KCNJ6: variants seen among roughly 807,000 people sequenced by gnomAD.
KCNJ6 encodes potassium inwardly rectifying channel subfamily J member 6.
In KCNJ6, 9 loss-of-function variants were observed where a neutral mutation model predicts 34.2. The observed-to-expected ratio is 0.26, with a 90% CI of 0.16 to 0.46. KCNJ6 has a LOEUF of 0.46. Ranked by LOEUF, KCNJ6 falls within the 20% of genes least tolerant of loss-of-function variation. The pLI, the probability that KCNJ6 is intolerant of heterozygous loss-of-function variation, is 1.00. For synonymous variants in KCNJ6, 196 were observed against 207.1 expected (o/e 0.95, Z 0.46); for missense variants, 236 against 531.3 (o/e 0.44, Z 5.46).
chr21:37,809,472 A>C (rs1158857835), intron 2 of KCNJ6, among the ~76,000 whole-genome samples: 3 of 152,076 alleles, frequency 2.0e-5, no homozygotes, highest in East Asian at 1.9e-4. Flanking sequence ...ACATGTATAC[A>C]CATGTAACAA....
At chr21:37,744,894 C>T (rs1314914869) in intron 2 of KCNJ6, among the ~76,000 whole-genome samples, 1 of 152,068 alleles carries the variant, frequency 6.6e-6, no homozygotes, top group Non-Finnish European at 1.5e-5. Flanking sequence ...ACATCCTGAT[C>T]CCGGGAACTG....
intron 2 of KCNJ6, among the ~76,000 whole-genome samples, chr21:37,743,908 A>G (rs1380399851): frequency 6.6e-6 from 1 of 151,992 alleles, no homozygotes; most frequent in South Asian, 2.1e-4. Flanking sequence ...CTCCATTATC[A>G]TACCTCCTAT....
At chr21:37,746,007 C>T (rs375514387) in intron 2 of KCNJ6, among the ~76,000 whole-genome samples, 3 of 152,176 alleles carry the variant, frequency 2.0e-5, no homozygotes, top group African/African-American at 7.2e-5. Flanking sequence ...GGGCTCTCTT[C>T]CTGGCTTGCA....
intron 1 of KCNJ6, among the ~76,000 whole-genome samples, chr21:37,871,561 A>G (rs557874166): frequency 6.6e-6 from 1 of 152,312 alleles, no homozygotes; most frequent in African/African-American, 2.4e-5. Flanking sequence ...GGGCTCTGAG[A>G]CTTTTTCCTG....
At chr21:37,909,364 A>G (rs2055856477) in intron 1 of KCNJ6, among the ~76,000 whole-genome samples, 1 of 151,824 alleles carries the variant, frequency 6.6e-6, no homozygotes, top group African/African-American at 2.4e-5. Flanking sequence ...ACACTGCACA[A>G]AGAACTTTTT....
intron 1 of KCNJ6, among the ~76,000 whole-genome samples, chr21:37,855,910 G>T (rs912983224): frequency 6.6e-6 from 1 of 152,204 alleles, no homozygotes; most frequent in South Asian, 2.1e-4. Context: ...GGCCAAGCAC[G>T]GCCAGGGGCC....
chr21:37,784,913 G>A (rs928197076), intron 2 of KCNJ6, among the ~76,000 whole-genome samples: 1 of 152,136 alleles, frequency 6.6e-6, no homozygotes, highest in Non-Finnish European at 1.5e-5. Context: ...CAGCTCTTTG[G>A]AGCCTCACCC....
chr21:37,913,005 G>C (rs923433023), intron 1 of KCNJ6, among the ~76,000 whole-genome samples: 2 of 152,224 alleles, frequency 1.3e-5, no homozygotes, highest in Non-Finnish European at 2.9e-5. Flanking sequence ...TTTCCAACCA[G>C]TTGCCAAACC....
At chr21:37,642,873 T>C (rs1446021701) in intron 3 of KCNJ6, among the ~76,000 whole-genome samples, 5 of 152,164 alleles carry the variant, frequency 3.3e-5, no homozygotes, top group Admixed American at 6.5e-5. Flanking sequence ...TCATGAAAGA[T>C]AAAAGCAGGA....
At chr21:37,774,816 G>C (rs1481048459) in intron 2 of KCNJ6, among the ~76,000 whole-genome samples, 1 of 152,160 alleles carries the variant, frequency 6.6e-6, no homozygotes, top group East Asian at 1.9e-4. Flanking sequence ...ACATACATGT[G>C]CATGTGTCTT....
At chr21:37,840,814 C>A in intron 1 of KCNJ6, 105 bp from the exon 2 acceptor site, 2 of 625,072 alleles carry the variant, frequency 3.2e-6, no homozygotes, top group South Asian at 4.8e-5. Context: ...TTTCCTAGGT[C>A]AGAATTTGGT....
chr21:37,768,084 CTTT>C (rs201597411), intron 2 of KCNJ6, among the ~76,000 whole-genome samples: 1 of 128,016 alleles, frequency 7.8e-6, no homozygotes. Context: ...TGTGTATGGA[CTTT>C]TTTTTTTTTT....
intron 3 of KCNJ6, among the ~76,000 whole-genome samples, chr21:37,682,532 A>G (rs1443160324): frequency 2.2e-5 from 1 of 46,388 alleles, no homozygotes; most frequent in Non-Finnish European, 4.0e-5. Context: ...CTCTGCCTCC[A>G]TCTTCACGTG....
intron 2 of KCNJ6, among the ~76,000 whole-genome samples, chr21:37,820,011 C>A (rs1347877253): frequency 6.6e-6 from 1 of 152,028 alleles, no homozygotes; most frequent in Non-Finnish European, 1.5e-5. Flanking sequence ...TGGTCTCGAA[C>A]TCCTGAGCTC....
chr21:37,864,869 C>CT (rs1212891309), intron 1 of KCNJ6, among the ~76,000 whole-genome samples: 22 of 139,578 alleles, frequency 1.6e-4, no homozygotes, highest in African/African-American at 5.4e-4. Flanking sequence ...CTGTCTCTCT[C>CT]TCTTTTTTTT....
intron 3 of KCNJ6, among the ~76,000 whole-genome samples, chr21:37,713,356 A>G (rs1396585416): frequency 6.6e-6 from 1 of 152,118 alleles, no homozygotes; most frequent in Non-Finnish European, 1.5e-5. Context: ...ACCTTAATGA[A>G]TTAGGGTTCT....
intron 3 of KCNJ6, among the ~76,000 whole-genome samples, chr21:37,640,288 G>A (rs2054375295): frequency 6.6e-6 from 1 of 152,238 alleles, no homozygotes; most frequent in Non-Finnish European, 1.5e-5. Flanking sequence ...ACAGGCCTGG[G>A]TTTGAATCTT....
chr21:37,752,508 A>G (rs11909458), intron 2 of KCNJ6, among the ~76,000 whole-genome samples: 11,244 of 152,242 alleles, frequency 0.074, 442 homozygotes, highest in African/African-American at 0.093. Flanking sequence ...GAAGGCATTA[A>G]GCAGAAGCTT....
chr21:37,786,808 T>G (rs1420041396), intron 2 of KCNJ6, among the ~76,000 whole-genome samples: 1 of 152,208 alleles, frequency 6.6e-6, no homozygotes, highest in Non-Finnish European at 1.5e-5. Flanking sequence ...GTTGTGAGGA[T>G]TATACCTGAC....
Sources: allele counts gnomAD v4.1 joint callset (sites outside exome capture counted in the v4.1 genomes callset), GRCh38; gene constraint gnomAD v4.1.1; transcripts MANE v1.5; gene names NCBI Gene and HGNC (gene_info 2026-07-23, HGNC 2026-07-21).